Variants in CSN3 observed in about 807,000 individuals in gnomAD.
CSN3 encodes kappa-casein.
In CSN3, 7 loss-of-function variants were observed where a neutral mutation model predicts 9.9. That is an observed-to-expected ratio of 0.71 (90% confidence interval 0.40 to 1.33). The LOEUF (loss-of-function observed/expected upper bound fraction) is 1.33, where lower values mean the gene tolerates loss of function less well. Ranked by LOEUF, CSN3 falls within the 40% of genes most tolerant of loss-of-function variation. CSN3 has a pLI of 0.01. For missense variants in CSN3, 253 were observed against 227.9 expected (o/e 1.11, Z -0.71); for synonymous variants, 88 against 82.3 (o/e 1.07, Z -0.37).
At chr4:70,242,180 CT>C (rs1730284196), upstream of CSN3, among the ~76,000 whole-genome samples, 1 of 82,638 alleles carries the variant, frequency 1.2e-5, no homozygotes, top group African/African-American at 6.2e-5. Context: ...AAAAATTCTT[CT>C]ATATTTCTTT....
chr4:70,242,639 A>G (rs1300250752), exon 1 of CSN3: 4 of 152,128 alleles, frequency 2.6e-5, no homozygotes, highest in Non-Finnish European at 5.9e-5. Flanking sequence ...CCTACTGCCA[A>G]CCAAGACCTG....
upstream of CSN3, among the ~76,000 whole-genome samples, chr4:70,242,137 G>C (rs1175427489): frequency 6.6e-6 from 1 of 151,426 alleles, no homozygotes; most frequent in Non-Finnish European, 1.5e-5. Flanking sequence ...AAATAGATAG[G>C]ATAAGTTGAA....
At chr4:70,244,899 T>G in intron 2 of CSN3, 26 bp downstream of exon 2, 1 of 1,449,342 alleles carries the variant, frequency 6.9e-7, no homozygotes, top group Non-Finnish European at 9.2e-7. Flanking sequence ...CTAACCAGAT[T>G]GTACTGACTT....
At chr4:70,247,984 C>T in intron 3 of CSN3, 134 bp downstream of exon 3, 1 of 574,874 alleles carries the variant, frequency 1.7e-6, no homozygotes, top group Non-Finnish European at 2.8e-6. Flanking sequence ...ATAATATTTG[C>T]AAGAAAATAA....
At chr4:70,241,189 T>C (rs1482484243), upstream of CSN3, among the ~76,000 whole-genome samples, 1 of 151,968 alleles carries the variant, frequency 6.6e-6, no homozygotes, top group Non-Finnish European at 1.5e-5. Context: ...CCACGGACCC[T>C]GATAATCAAA....
At chr4:70,240,033 T>A (rs377434038), upstream of CSN3, among the ~76,000 whole-genome samples, 2 of 151,906 alleles carry the variant, frequency 1.3e-5, no homozygotes, top group African/African-American at 4.8e-5. Context: ...AAATAGAGTG[T>A]TGAGGTCAGC....
chr4:70,238,654 CAG>C (rs1309449548), upstream of CSN3, among the ~76,000 whole-genome samples: 1 of 151,774 alleles, frequency 6.6e-6, no homozygotes, highest in Non-Finnish European at 1.5e-5. Flanking sequence ...AGACCAAAAA[CAG>C]AAATATTAGG....
intron 2 of CSN3, among the ~76,000 whole-genome samples, chr4:70,246,485 A>G (rs1187027452): frequency 2.6e-5 from 4 of 152,118 alleles, no homozygotes; most frequent in African/African-American, 9.6e-5. Flanking sequence ...GTTATCAACT[A>G]TAAAAATGTA....
chr4:70,245,291 T>C (rs1267709083), intron 2 of CSN3, among the ~76,000 whole-genome samples: 10 of 152,142 alleles, frequency 6.6e-5, no homozygotes, highest in Non-Finnish European at 1.0e-4. Context: ...AATCTCTTTA[T>C]GGAAACAAAA....
At chr4:70,243,943 T>G (rs996923287) in intron 1 of CSN3, among the ~76,000 whole-genome samples, 11 of 152,058 alleles carry the variant, frequency 7.2e-5, no homozygotes, top group Admixed American at 1.3e-4. Context: ...CTCATAACCC[T>G]CCACTTCCCA....
Position 70,244,890 on chromosome 4 carries a change from T to C in CSN3, c.54+17T>C. On this transcript the variant is annotated intron_variant, in intron 2 of 4. Coordinates refer to ENST00000304954, the Ensembl canonical transcript of CSN3. ...CCTTTTTTGGTAAGTTAATTTCATC[T>C]AACCAGATTGTACTGACTTTAAGAA... The C allele has an allele frequency of 6.5e-7, 1 of 1,536,856 alleles. No individual in the cohort carries two copies. Among genetic ancestry groups the C allele is most frequent in the Non-Finnish European group, 8.8e-7 (1 of 1,137,964 alleles).
intron 3 of CSN3, 85 bp downstream of exon 3, chr4:70,247,935 G>A (rs1280534510): frequency 1.1e-5 from 10 of 900,680 alleles, no homozygotes; most frequent in Non-Finnish European, 1.3e-5. Context: ...GATGCCTTCT[G>A]TCTAAAACCT....
At chr4:70,249,322 G>A (rs770525492) in exon 4 of CSN3, 2 of 1,613,844 alleles carry the variant, frequency 1.2e-6, no homozygotes, top group African/African-American at 2.7e-5. Flanking sequence ...CAATACCATT[G>A]CTACTGTTGA....
At chr4:70,243,090 A>G (rs930936008) in intron 1 of CSN3, 2 of 453,208 alleles carry the variant, frequency 4.4e-6, no homozygotes, top group Non-Finnish European at 5.8e-6. Flanking sequence ...TTTTTAAAAC[A>G]TGTTTTTCAA....
intron 2 of CSN3, among the ~76,000 whole-genome samples, chr4:70,246,606 C>G (rs1431999861): frequency 6.6e-6 from 1 of 151,326 alleles, no homozygotes; most frequent in Non-Finnish European, 1.5e-5. Flanking sequence ...AGGTTGATAT[C>G]GCATTAAGGT....
At chr4:70,238,804 G>C (rs1730219481), upstream of CSN3, among the ~76,000 whole-genome samples, 1 of 151,720 alleles carries the variant, frequency 6.6e-6, no homozygotes, top group Non-Finnish European at 1.5e-5. Flanking sequence ...GGAGAGAAAA[G>C]ATGACCTATA....
intron 4 of CSN3, among the ~76,000 whole-genome samples, chr4:70,250,996 G>C (rs748835168): frequency 6.6e-6 from 1 of 152,054 alleles, no homozygotes; most frequent in Non-Finnish European, 1.5e-5. Flanking sequence ...CAACATGAAA[G>C]CAAGTTATTT....
chr4:70,247,873 T>C, intron 3 of CSN3, 23 bp downstream of exon 3: 3 of 1,586,184 alleles, frequency 1.9e-6, no homozygotes, highest in Non-Finnish European at 2.6e-6. Context: ...TAATTACTTC[T>C]GTTACAGGCA....
At chr4:70,240,287 G>A (rs1380011192), upstream of CSN3, among the ~76,000 whole-genome samples, 1 of 151,832 alleles carries the variant, frequency 6.6e-6, no homozygotes, top group Non-Finnish European at 1.5e-5. Context: ...ACCCACAATA[G>A]CCTCTTACCC....
Sources: allele counts gnomAD v4.1 joint callset (sites outside exome capture counted in the v4.1 genomes callset), GRCh38; gene constraint gnomAD v4.1.1; transcripts MANE v1.5; gene names NCBI Gene and HGNC (gene_info 2026-07-23, HGNC 2026-07-21).